Variants in BTRC observed in about 807,000 individuals in gnomAD.
BTRC encodes beta-transducin repeat containing E3 ubiquitin protein ligase, also known as F-box/WD repeat-containing protein 1A.
BTRC carries 42 observed loss-of-function variants against 85.5 expected under a neutral mutation model. The ratio of observed to expected loss-of-function variants is 0.49; its 90% CI spans 0.38 to 0.64. BTRC has a LOEUF of 0.64. Ranked by LOEUF, BTRC falls within the 30% of genes least tolerant of loss-of-function variation. The probability of loss-of-function intolerance (pLI) is 0.00; values close to 1 mark genes in which losing one functional copy is unlikely to be tolerated. For synonymous variants in BTRC, 255 were observed against 263.3 expected, an observed-to-expected ratio of 0.97 and a Z score of 0.30; for missense variants, 594 against 743.5, an observed-to-expected ratio of 0.80 and a Z score of 2.34.
intron 4 of BTRC, among the ~76,000 whole-genome samples, chr10:101,515,186 C>T (rs936979412): frequency 6.6e-6 from 1 of 152,062 alleles, no homozygotes; most frequent in Non-Finnish European, 1.5e-5. Context: ...AAACTCCTGA[C>T]TTCAAGTGAT....
At chr10:101,412,920 G>A (rs1943821049) in intron 1 of BTRC, among the ~76,000 whole-genome samples, 1 of 152,100 alleles carries the variant, frequency 6.6e-6, no homozygotes, top group African/African-American at 2.4e-5. Flanking sequence ...GTGGAAATTG[G>A]CCAACAGATA....
At chr10:101,489,279 A>G (rs6584424) in intron 4 of BTRC, among the ~76,000 whole-genome samples, 48,530 of 151,904 alleles carry the variant, frequency 0.32, 9,982 homozygotes, top group East Asian at 0.66. Flanking sequence ...AGAATCAAGA[A>G]TAAAAGCAAC....
chr10:101,393,135 T>A, intron 1 of BTRC, among the ~76,000 whole-genome samples: 1 of 152,028 alleles, frequency 6.6e-6, no homozygotes, highest in East Asian at 1.9e-4. Context: ...GAGGACTGGG[T>A]TTGGAAAGCT....
intron 2 of BTRC, among the ~76,000 whole-genome samples, chr10:101,451,182 C>G (rs1944946472): frequency 6.6e-6 from 1 of 152,072 alleles, no homozygotes; most frequent in Admixed American, 6.6e-5. Flanking sequence ...AATCAGGTAG[C>G]AGTATTAAAA....
chr10:101,361,261 C>T (rs1303101122), intron 1 of BTRC, among the ~76,000 whole-genome samples: 1 of 152,158 alleles, frequency 6.6e-6, no homozygotes, highest in Non-Finnish European at 1.5e-5. Context: ...CACGTGTCAC[C>T]ACACCTGGCT....
chr10:101,480,353 A>T (rs922879674), intron 4 of BTRC, among the ~76,000 whole-genome samples: 1 of 152,220 alleles, frequency 6.6e-6, no homozygotes, highest in African/African-American at 2.4e-5. Context: ...GTCTTAGTCC[A>T]TGTGAGCTGC....
At chr10:101,435,082 G>T (rs1472778429) in intron 2 of BTRC, among the ~76,000 whole-genome samples, 1 of 152,030 alleles carries the variant, frequency 6.6e-6, no homozygotes, top group Admixed American at 6.6e-5. Context: ...AACTGGATTT[G>T]AATCTAGTAT....
chr10:101,381,072 AG>A (rs562768909), intron 1 of BTRC, among the ~76,000 whole-genome samples: 3 of 152,068 alleles, frequency 2.0e-5, no homozygotes, highest in South Asian at 2.1e-4. Flanking sequence ...CTGAAGTGTC[AG>A]GGGGTGCATG....
intron 14 of BTRC, 153 bp downstream of exon 14, chr10:101,551,044 CCA>C (rs1362326210): frequency 1.1e-5 from 7 of 646,196 alleles, no homozygotes; most frequent in Non-Finnish European, 1.8e-5. Flanking sequence ...GCTGAAGCTG[CCA>C]CAGTGTGGAC....
At chr10:101,542,074 T>C (rs1007374933) in intron 13 of BTRC, among the ~76,000 whole-genome samples, 1 of 152,260 alleles carries the variant, frequency 6.6e-6, no homozygotes, top group African/African-American at 2.4e-5. Context: ...AAGTTTTAAT[T>C]ACAACTTCAG....
rs1315490086 is a variant in BTRC at position 101,526,168 on chromosome 10, C to T, written c.712C>T (p.Leu238=). ...LIERMVRTDS[L]WRGLAERRGW... ...CGAGAGAATGGTCAGGACAGATTCT[C>T]TGTGGAGAGGCCTGGCAGAACGAAG... Residue 238 remains leucine, a synonymous_variant, in exon 6 of 15, where the codon CTG becomes TTG. Coordinates refer to ENST00000370187, the MANE Select transcript of BTRC (RefSeq NM_033637.4). 2 of 1,614,124 alleles carry T rather than the reference C, an allele frequency of 1.2e-6. No individual in the cohort carries two copies. The highest frequency in any genetic ancestry group is 1.3e-5 in the African/African-American group (1 of 75,052).
chr10:101,529,250 T>C (rs946931919), intron 6 of BTRC, among the ~76,000 whole-genome samples: 8 of 152,228 alleles, frequency 5.3e-5, no homozygotes, highest in Non-Finnish European at 5.9e-5. Context: ...GCCACCTCTT[T>C]CTGTAACACT....
chr10:101,549,506 A>G (rs1346245095), intron 13 of BTRC, among the ~76,000 whole-genome samples: 1 of 151,552 alleles, frequency 6.6e-6, no homozygotes. Flanking sequence ...CGAGGTCAGG[A>G]GATCAAGACC....
intron 4 of BTRC, among the ~76,000 whole-genome samples, chr10:101,510,756 A>C (rs1377594054): frequency 6.6e-6 from 1 of 152,194 alleles, no homozygotes; most frequent in African/African-American, 2.4e-5. Context: ...TTATACTAAA[A>C]TAAATGTATA....
At chr10:101,441,828 C>G (rs1944686867) in intron 2 of BTRC, among the ~76,000 whole-genome samples, 1 of 141,902 alleles carries the variant, frequency 7.0e-6, no homozygotes, top group African/African-American at 2.6e-5. Context: ...TAGCAGTCAG[C>G]CGAGATCACA....
chr10:101,461,924 C>A, intron 2 of BTRC, 57 bp from the exon 3 acceptor site: 2 of 1,280,242 alleles, frequency 1.6e-6, no homozygotes, highest in South Asian at 1.3e-5. Context: ...CAGTTTACTC[C>A]CAAAGGATAA....
At chr10:101,495,754 C>G (rs1352868568) in intron 4 of BTRC, among the ~76,000 whole-genome samples, 1 of 152,158 alleles carries the variant, frequency 6.6e-6, no homozygotes, top group African/African-American at 2.4e-5. Context: ...TGAATACAAT[C>G]ATAGTGAATT....
intron 4 of BTRC, among the ~76,000 whole-genome samples, chr10:101,506,656 C>G (rs1436633765): frequency 6.6e-6 from 1 of 152,166 alleles, no homozygotes; most frequent in Non-Finnish European, 1.5e-5. Flanking sequence ...AGCTCAGATT[C>G]AAAATTGACT....
chr10:101,534,330 G>A (rs2062351120), intron 9 of BTRC, among the ~76,000 whole-genome samples: 1 of 152,270 alleles, frequency 6.6e-6, no homozygotes, highest in South Asian at 2.1e-4. Flanking sequence ...ATTGGAATGG[G>A]CACTAATGCT....
Sources: allele counts gnomAD v4.1 joint callset (sites outside exome capture counted in the v4.1 genomes callset), GRCh38; gene constraint gnomAD v4.1.1; transcripts MANE v1.5; gene names NCBI Gene and HGNC (gene_info 2026-07-23, HGNC 2026-07-21).